Variants in TNFRSF11A observed in about 807,000 individuals in gnomAD.
TNFRSF11A encodes TNF receptor superfamily member 11a.
A neutral mutation model predicts 55.7 loss-of-function variants in TNFRSF11A; 32 were observed. The observed-to-expected ratio is 0.57, with a 90% CI of 0.43 to 0.77. TNFRSF11A has a LOEUF of 0.77. Among genes scored for constraint, TNFRSF11A ranks in the 30% least tolerant of loss-of-function variants. TNFRSF11A has a pLI of 0.00. For synonymous variants in TNFRSF11A, 311 were observed against 331.0 expected (o/e 0.94, Z 0.65); for missense variants, 753 against 809.8 (o/e 0.93, Z 0.85).
Position 62,386,708 on chromosome 18 carries a change from G to T in TNFRSF11A, c.*1674G>T, listed in dbSNP as rs1044859581. ...CTGAAGAGCATGACTGTGGATCACT[G>T]GTTTTTCCCTCCTGCTGGAAATGCT... On this transcript the variant is annotated 3_prime_UTR_variant, in exon 10 of 10. Coordinates refer to ENST00000586569, the MANE Select transcript of TNFRSF11A (RefSeq NM_003839.4). The T allele has an allele frequency of 2.6e-5, 4 of 152,248 alleles. No individual in the cohort carries two copies. The highest frequency in any genetic ancestry group is 5.9e-5 in the Non-Finnish European group (4 of 68,062). 9.4% of individuals were successfully genotyped at this position (152,248 alleles called of 1,614,324 possible). A position where few individuals can be genotyped will look rare whatever the true frequency, so the allele number is the denominator to read the frequency against.
chr18:62,365,279 A>G (rs758584233), intron 7 of TNFRSF11A, among the ~76,000 whole-genome samples: 1 of 152,174 alleles, frequency 6.6e-6, no homozygotes, highest in Non-Finnish European at 1.5e-5. Flanking sequence ...TAGTCTTTAT[A>G]GTGAACCCAA....
At chr18:62,377,602 G>A (rs1008050356) in intron 9 of TNFRSF11A, among the ~76,000 whole-genome samples, 1 of 152,168 alleles carries the variant, frequency 6.6e-6, no homozygotes, top group Non-Finnish European at 1.5e-5. Context: ...GTGTGTAGTG[G>A]TGTCTCACTG....
At chr18:62,372,665 C>G (rs537056757) in intron 9 of TNFRSF11A, among the ~76,000 whole-genome samples, 2 of 152,112 alleles carry the variant, frequency 1.3e-5, no homozygotes, top group Non-Finnish European at 1.5e-5. Context: ...CCCTCTCTCC[C>G]CTGCCTAGTT....
rs1274031456 is a variant in TNFRSF11A, at chr18:62,325,339, G to C, written c.-14G>C. On this transcript the variant is annotated 5_prime_UTR_variant, in exon 1 of 10. Transcript: ENST00000586569. This position sits in a 1 kb window ranked among gnomAD's most constrained non-coding sequence, Gnocchi z 4.7. ...GCCGCTGAGGCCGCGGCGCCCGCCA[G>C]CCTGTCCCGCGCCATGGCCCCGCGC... The C allele has an allele frequency of 9.8e-7, 1 of 1,017,590 alleles. No homozygotes were observed. The highest frequency in any genetic ancestry group is 1.2e-6 in the Non-Finnish European group (1 of 851,420). 63.0% of individuals were successfully genotyped at this position (1,017,590 alleles called of 1,614,324 possible).
intron 1 of TNFRSF11A, among the ~76,000 whole-genome samples, chr18:62,343,690 T>G (rs1008650875): frequency 6.6e-6 from 1 of 152,186 alleles, no homozygotes. Context: ...CACCAGCCTG[T>G]ATGCCCTGAA....
chr18:62,344,303 C>T lies in TNFRSF11A; in HGVS notation c.76-3865C>T, dbSNP rs577966403. Among the ~76,000 whole-genome samples the T allele has an allele frequency of 7.9e-5, 12 of 152,298 alleles. No homozygotes were observed. In the South Asian group the frequency reaches 2.3e-3, roughly 29 times the overall value. ...TTTATTTGCTTCATGAAGACAACTGCGATTCCAAAGCTTTGACTCTATCAG... is the reference window on the plus strand; with the variant it reads ...TTTATTTGCTTCATGAAGACAACTGTGATTCCAAAGCTTTGACTCTATCAG... On this transcript the variant is annotated intron_variant, in intron 1 of 9. Coordinates refer to ENST00000586569, the MANE Select transcript of TNFRSF11A (RefSeq NM_003839.4).
intron 1 of TNFRSF11A, among the ~76,000 whole-genome samples, chr18:62,327,960 A>G (rs1568469011): frequency 1.3e-5 from 2 of 152,238 alleles, no homozygotes; most frequent in African/African-American, 4.8e-5. Flanking sequence ...GTAACAAAAT[A>G]TAGATGCACA....
chr18:62,328,113 G>A (rs2046100564), intron 1 of TNFRSF11A, among the ~76,000 whole-genome samples: 1 of 152,246 alleles, frequency 6.6e-6, no homozygotes, highest in Non-Finnish European at 1.5e-5. Flanking sequence ...GAAGGCGCAT[G>A]GGTCACAGTC....
intron 6 of TNFRSF11A, among the ~76,000 whole-genome samples, chr18:62,361,138 A>G (rs1909654348): frequency 6.6e-6 from 1 of 152,208 alleles, no homozygotes; most frequent in Non-Finnish European, 1.5e-5. Context: ...CATGTAAATC[A>G]AGAGTTTTGA....
Position 62,369,312 on chromosome 18 carries a change from A to G in TNFRSF11A, c.1395A>G (p.Lys465=). The change falls in exon 9 of 10, where the codon AAA becomes AAG. Residue 465 remains lysine, a synonymous_variant. Coordinates refer to ENST00000586569, the MANE Select transcript of TNFRSF11A (RefSeq NM_003839.4). ...EDCEPLVGSP[K]RGPLPQCAYG... ...GTGAACCCCTCGTGGGTTCCCCAAA[A>G]CGTGGACCCTTGCCCCAGTGCGCCT... The G allele has an allele frequency of 6.2e-7, 1 of 1,610,698 alleles. No homozygotes were observed.
At chr18:62,354,790 G>A (rs1909133235) in intron 4 of TNFRSF11A, among the ~76,000 whole-genome samples, 1 of 152,192 alleles carries the variant, frequency 6.6e-6, no homozygotes, top group Non-Finnish European at 1.5e-5. Flanking sequence ...GCCAGGGGTT[G>A]CTGGGGCTCC....
chr18:62,334,177 T>A (rs1355090818), intron 1 of TNFRSF11A, among the ~76,000 whole-genome samples: 1 of 152,188 alleles, frequency 6.6e-6, no homozygotes, highest in Non-Finnish European at 1.5e-5. Flanking sequence ...CTAGAACTAT[T>A]CTTAAGCAGA....
chr18:62,357,655 G>C (rs1909359219), intron 4 of TNFRSF11A, among the ~76,000 whole-genome samples: 1 of 152,214 alleles, frequency 6.6e-6, no homozygotes, highest in African/African-American at 2.4e-5. Context: ...CCAACCCTTG[G>C]TTGCAGGGAA....
At position 62,369,278 on chromosome 18, in the gene TNFRSF11A, G is replaced by A. The variant is rs1160251803; in HGVS notation, c.1361G>A (p.Gly454Glu). 3 of 1,613,060 alleles carry A rather than the reference G, an allele frequency of 1.9e-6. No homozygotes were observed. Among genetic ancestry groups the A allele is most frequent in the Non-Finnish European group, 2.5e-6 (3 of 1,179,944 alleles). Residue 454 changes from glycine to glutamate, a missense_variant, in exon 9 of 10, where the codon GGG (glycine) becomes GAG (glutamate). Gly to Glu is a moderately conservative substitution (Grantham distance 98). Transcript: ENST00000586569. ...DVCTGCRNPP[G>E]EDCEPLVGSP... ...TGCACAGGCTGCCGGAACCCTCCTGGGGAGGACTGTGAACCCCTCGTGGGT... is the reference window on the plus strand; with the variant it reads ...TGCACAGGCTGCCGGAACCCTCCTGAGGAGGACTGTGAACCCCTCGTGGGT...
At chr18:62,341,835 G>GTTTTT (rs1568475429) in intron 1 of TNFRSF11A, among the ~76,000 whole-genome samples, 1 of 68,852 alleles carries the variant, frequency 1.5e-5, no homozygotes. Context: ...GCTGAGAATG[G>GTTTTT]CTTTTTTTTT....
chr18:62,375,716 C>T (rs902516565), intron 9 of TNFRSF11A, among the ~76,000 whole-genome samples: 23 of 152,134 alleles, frequency 1.5e-4, no homozygotes, highest in East Asian at 7.7e-4. Flanking sequence ...TATCTGATTG[C>T]AGGCCAGGGC....
At chr18:62,339,115 C>T (rs1482727971) in intron 1 of TNFRSF11A, among the ~76,000 whole-genome samples, 2 of 152,176 alleles carry the variant, frequency 1.3e-5, no homozygotes, top group Admixed American at 1.3e-4. Flanking sequence ...ACAGTCTTTA[C>T]AATATGTTTC....
Position 62,387,207 on chromosome 18 carries a change from A to T in TNFRSF11A, c.*2173A>T, listed in dbSNP as rs78326403. Reference sequence around the variant, plus strand: ...TAAGTAAGACTCTACTTTCAGAAAAAGGTAATATTATTTCCTGCACTGATC... The same window carrying T: ...TAAGTAAGACTCTACTTTCAGAAAATGGTAATATTATTTCCTGCACTGATC... On this transcript the variant is annotated 3_prime_UTR_variant, in exon 10 of 10. Transcript: ENST00000586569. The T allele has an allele frequency of 0.12, 18,097 of 152,228 alleles. 1,138 individuals carry two copies. The highest frequency in any genetic ancestry group is 0.16 in the East Asian group (818 of 5,182). The allele number at this position is 152,228 out of a possible 1,614,324, so 9.4% of individuals were successfully genotyped here. A position where few individuals can be genotyped will look rare whatever the true frequency, so the allele number is the denominator to read the frequency against.
chr18:62,384,046 AAC>A (rs58712892), intron 9 of TNFRSF11A, among the ~76,000 whole-genome samples: 40,666 of 145,488 alleles, frequency 0.28, 5,683 homozygotes, highest in Non-Finnish European at 0.33. Flanking sequence ...TTCTGTGTTG[AAC>A]ACACACACAC....
Sources: allele counts gnomAD v4.1 joint callset (sites outside exome capture counted in the v4.1 genomes callset), GRCh38; gene constraint gnomAD v4.1.1; non-coding constraint Gnocchi (gnomAD v3.1); transcripts MANE v1.5; gene names NCBI Gene and HGNC (gene_info 2026-07-23, HGNC 2026-07-21).